RAB38: variants seen among roughly 807,000 people sequenced by gnomAD.
RAB38 encodes ras-related protein Rab-38.
A neutral mutation model predicts 18.4 loss-of-function variants in RAB38; 15 were observed. That is an observed-to-expected ratio of 0.82 (90% confidence interval 0.55 to 1.26). RAB38 has a LOEUF of 1.26. Among genes scored for constraint, RAB38 ranks in the 50% most tolerant of loss-of-function variants. The probability of loss-of-function intolerance (pLI) is 0.00; values close to 1 mark genes in which losing one functional copy is unlikely to be tolerated. For synonymous variants in RAB38, 101 were observed against 104.4 expected, an observed-to-expected ratio of 0.97 and a Z score of 0.20; for missense variants, 294 against 267.4, an observed-to-expected ratio of 1.10 and a Z score of -0.69.
At chr11:88,061,772 A>G in the RAB38 span, 15 of 152,272 alleles carry the variant, frequency 9.9e-5, 1 homozygote, top group South Asian at 2.9e-3. Context: ...AGACCTGCCA[A>G]TCCACTCCTC....
At chr11:88,012,196 G>A in the RAB38 span, among the ~76,000 whole-genome samples, 1 of 152,162 alleles carries the variant, frequency 6.6e-6, no homozygotes, top group Non-Finnish European at 1.5e-5. Flanking sequence ...GTGACCTACT[G>A]ATTAATGAAG....
At chr11:88,057,753 C>T in the RAB38 span, among the ~76,000 whole-genome samples, 4 of 152,102 alleles carry the variant, frequency 2.6e-5, no homozygotes, top group African/African-American at 9.7e-5. Context: ...AAGCTACAAA[C>T]TCTTTGAGGG....
the RAB38 span, among the ~76,000 whole-genome samples, chr11:87,864,286 C>G: frequency 6.6e-6 from 1 of 150,802 alleles, no homozygotes; most frequent in Non-Finnish European, 1.5e-5. Context: ...AATTAATAAA[C>G]TATACTATAC....
chr11:88,076,051 C>A, the RAB38 span, among the ~76,000 whole-genome samples: 21 of 150,512 alleles, frequency 1.4e-4, 1 homozygote, highest in South Asian at 4.2e-4. Flanking sequence ...ATAAAAAGAT[C>A]AAAAAAACTG....
chr11:88,007,770 A>T, the RAB38 span, among the ~76,000 whole-genome samples: 1 of 152,132 alleles, frequency 6.6e-6, no homozygotes, highest in Non-Finnish European at 1.5e-5. Context: ...TCCACAACAT[A>T]TATGTACAAT....
At chr11:88,005,170 A>G in the RAB38 span, among the ~76,000 whole-genome samples, 3 of 151,512 alleles carry the variant, frequency 2.0e-5, no homozygotes, top group Non-Finnish European at 4.4e-5. Context: ...ATAAAAACTC[A>G]GAATAACAAA....
At chr11:87,893,390 A>ATATATATAGATATATATATTTT in the RAB38 span, among the ~76,000 whole-genome samples, 1 of 93,890 alleles carries the variant, frequency 1.1e-5, no homozygotes, top group East Asian at 3.3e-4. Flanking sequence ...ATATATATAT[A>ATATATATAGATATATATATTTT]TTTTTTTTTT....
chr11:88,059,304 G>A, the RAB38 span, among the ~76,000 whole-genome samples: 1 of 152,148 alleles, frequency 6.6e-6, no homozygotes, highest in Non-Finnish European at 1.5e-5. Context: ...TCTTTCAATT[G>A]AATTATATTA....
At chr11:87,858,765 T>C in the RAB38 span, among the ~76,000 whole-genome samples, 2 of 151,986 alleles carry the variant, frequency 1.3e-5, no homozygotes, top group Non-Finnish European at 2.9e-5. Context: ...AGGGATGTTG[T>C]TATATGTAGG....
the RAB38 span, among the ~76,000 whole-genome samples, chr11:87,952,178 G>A: frequency 6.6e-6 from 1 of 152,178 alleles, no homozygotes; most frequent in Non-Finnish European, 1.5e-5. Context: ...GGAGCTGGGG[G>A]GTAGGGAACA....
intron 2 of RAB38, among the ~76,000 whole-genome samples, chr11:88,136,242 T>G (rs575477939): frequency 6.6e-6 from 1 of 152,264 alleles, no homozygotes; most frequent in South Asian, 2.1e-4. Flanking sequence ...GGATATTGAT[T>G]TTCCCCCCAG....
chr11:88,099,132 C>A, the RAB38 span, among the ~76,000 whole-genome samples: 5 of 151,694 alleles, frequency 3.3e-5, no homozygotes, highest in African/African-American at 1.2e-4. Flanking sequence ...TTATTAAAAA[C>A]CAATAGAACT....
chr11:88,064,922 C>T, the RAB38 span, among the ~76,000 whole-genome samples: 6,164 of 152,192 alleles, frequency 0.041, 157 homozygotes, highest in African/African-American at 0.074. Flanking sequence ...TGCTTACAAT[C>T]TTGTGAAAAA....
At chr11:88,077,298 A>T in the RAB38 span, among the ~76,000 whole-genome samples, 1 of 152,098 alleles carries the variant, frequency 6.6e-6, no homozygotes, top group Non-Finnish European at 1.5e-5. Context: ...CATACTAAAA[A>T]TCCTAAAATT....
intron 1 of RAB38, among the ~76,000 whole-genome samples, chr11:88,174,371 ATATTG>A (rs1232007654): frequency 6.6e-6 from 1 of 152,176 alleles, no homozygotes; most frequent in African/African-American, 2.4e-5. Flanking sequence ...CTGATTTTAA[ATATTG>A]TAAAAAACAA....
At chr11:88,036,019 C>A in the RAB38 span, among the ~76,000 whole-genome samples, 2 of 151,996 alleles carry the variant, frequency 1.3e-5, no homozygotes, top group Non-Finnish European at 2.9e-5. Flanking sequence ...AAATTAAAAT[C>A]CAGGTTTTAT....
At chr11:88,126,884 G>T (rs1942703298) in intron 2 of RAB38, among the ~76,000 whole-genome samples, 1 of 152,124 alleles carries the variant, frequency 6.6e-6, no homozygotes, top group Non-Finnish European at 1.5e-5. Context: ...ATATATGAAA[G>T]AACTTAGCAA....
chr11:87,953,319 G>GTGCTAGAGAGTGATGGGAGATACTTCAAT, the RAB38 span, among the ~76,000 whole-genome samples: 5 of 152,152 alleles, frequency 3.3e-5, no homozygotes, highest in Non-Finnish European at 5.9e-5. Flanking sequence ...TAAGGAATAG[G>GTGCTAGAGAGTGATGGGAGATACTTCAAT]TGCTAGAGAG....
At chr11:87,816,785 T>C in the RAB38 span, among the ~76,000 whole-genome samples, 1 of 152,132 alleles carries the variant, frequency 6.6e-6, no homozygotes, top group South Asian at 2.1e-4. Flanking sequence ...TAAAATATGC[T>C]GTATTTTAAA....
Sources: allele counts gnomAD v4.1 joint callset (sites outside exome capture counted in the v4.1 genomes callset), GRCh38; gene constraint gnomAD v4.1.1; transcripts MANE v1.5; gene names NCBI Gene and HGNC (gene_info 2026-07-23, HGNC 2026-07-21).